ESRRG: variants seen among roughly 807,000 people sequenced by gnomAD.
ESRRG encodes estrogen related receptor gamma.
ESRRG carries 13 observed loss-of-function variants against 44.0 expected under a neutral mutation model. That is an observed-to-expected ratio of 0.30 (90% CI 0.19 to 0.47). The LOEUF is 0.47. Ranked by LOEUF, ESRRG falls within the 20% of genes least tolerant of loss-of-function variation. ESRRG has a pLI of 1.00. For missense variants in ESRRG, 395 were observed against 580.6 expected, an observed-to-expected ratio of 0.68 and a Z score of 3.29; for synonymous variants, 215 against 214.6, an observed-to-expected ratio of 1.00 and a Z score of -0.02.
chr1:216,807,104 C>G (rs2094817065), intron 2 of ESRRG, among the ~76,000 whole-genome samples: 1 of 152,148 alleles, frequency 6.6e-6, no homozygotes, highest in East Asian at 1.9e-4. Context: ...AATTAACAAT[C>G]AAGTCCATGG....
intron 2 of ESRRG, among the ~76,000 whole-genome samples, chr1:216,656,583 T>A (rs2070660275): frequency 6.6e-6 from 1 of 152,204 alleles, no homozygotes; most frequent in Non-Finnish European, 1.5e-5. Context: ...CGCCAGTGGA[T>A]AATTTGTATA....
intron 2 of ESRRG, among the ~76,000 whole-genome samples, chr1:216,925,680 G>A (rs1397749803): frequency 6.6e-6 from 1 of 150,858 alleles, no homozygotes; most frequent in Admixed American, 6.6e-5. Flanking sequence ...GCTGGGTGTG[G>A]TGGCTCACTC....
chr1:217,063,382 A>G lies in ESRRG; in HGVS notation c.-106+26125T>C, dbSNP rs956035709. 7.2e-5 allele frequency among the ~76,000 whole-genome samples: 11 copies of G among 152,316 alleles called. No homozygotes were observed. In the East Asian group the frequency reaches 1.9e-3, roughly 27 times the overall value. On this transcript the variant is annotated intron_variant, in intron 1 of 7. Transcript: ENST00000359162. Reference sequence around the variant, plus strand: ...TAAGTTAGTGCAGCAAACTAGCTACATGCTTTGAAGTGTGGAGACAGTTGG... The same window carrying G: ...TAAGTTAGTGCAGCAAACTAGCTACGTGCTTTGAAGTGTGGAGACAGTTGG...
intron 1 of ESRRG, among the ~76,000 whole-genome samples, chr1:216,980,892 C>A (rs1444078157): frequency 7.1e-6 from 1 of 140,688 alleles, no homozygotes; most frequent in Non-Finnish European, 1.6e-5. Context: ...GTCAGGCGGT[C>A]TCCTGCCTTT....
intron 6 of ESRRG, among the ~76,000 whole-genome samples, chr1:216,510,135 G>A (rs547319080): frequency 4.6e-5 from 7 of 152,182 alleles, no homozygotes; most frequent in African/African-American, 1.4e-4. Context: ...AACAATGGGC[G>A]AGCTCTTAAA....
intron 1 of ESRRG, among the ~76,000 whole-genome samples, chr1:216,967,298 G>A (rs1302438148): frequency 6.6e-6 from 1 of 151,980 alleles, no homozygotes; most frequent in African/African-American, 2.4e-5. Context: ...GTTATATAAA[G>A]GTTTGGATAA....
chr1:216,923,642 T>C (rs192179445), intron 2 of ESRRG, among the ~76,000 whole-genome samples: 82 of 152,298 alleles, frequency 5.4e-4, no homozygotes, highest in African/African-American at 1.9e-3. Flanking sequence ...TGCCAGAGAT[T>C]AGAAACAGTG....
intron 2 of ESRRG, among the ~76,000 whole-genome samples, chr1:216,840,936 C>G (rs768405725): frequency 2.6e-5 from 4 of 152,034 alleles, no homozygotes; most frequent in Non-Finnish European, 5.9e-5. Flanking sequence ...GTTTGAAATA[C>G]AGCAGAATAC....
intron 2 of ESRRG, among the ~76,000 whole-genome samples, chr1:216,654,423 A>G (rs1490667471): frequency 2.0e-5 from 3 of 152,080 alleles, no homozygotes; most frequent in Admixed American, 1.3e-4. Flanking sequence ...TGAGGTCAGA[A>G]GCTCAAGACG....
chr1:216,650,531 C>T (rs575574486), intron 3 of ESRRG, among the ~76,000 whole-genome samples: 1 of 151,860 alleles, frequency 6.6e-6, no homozygotes, highest in South Asian at 2.1e-4. Context: ...ATTTTAAGTT[C>T]TTTGTAATAG....
Position 216,573,454 on chromosome 1 carries a change from G to T in ESRRG, c.590-5356C>A, listed in dbSNP as rs1340559293. On this transcript the variant is annotated intron_variant, in intron 3 of 6. Transcript: ENST00000408911. ...AATGATCCAATAACATTACATTATG[G>T]TTATTATACGAATGTACTTAAAAAT... Among the ~76,000 whole-genome samples the T allele has an allele frequency of 2.0e-5, 3 of 151,754 alleles. No individual in the cohort carries two copies. In the East Asian group the frequency reaches 5.8e-4, roughly 29 times the overall value.
chr1:216,677,478 T>C lies in ESRRG; in HGVS notation c.70A>G (p.Met24Val), dbSNP rs1281591694. 6.2e-7 allele frequency: 1 copy of C among 1,608,172 alleles called. No homozygotes were observed. The change falls in exon 2 of 7, where the codon ATG becomes GTG. Residue 24 changes from methionine (M) to valine (V), a missense_variant. By Grantham distance (21) the Met-to-Val change is conservative. Coordinates refer to ENST00000408911, the MANE Select transcript of ESRRG (RefSeq NM_001438.4). Reference sequence around the variant, plus strand: ...TCAATGTGTCGATCTTTGTTTGACATTCTGCAGAGAAGCCTGAGATTGAGG... The same window carrying C: ...TCAATGTGTCGATCTTTGTTTGACACTCTGCAGAGAAGCCTGAGATTGAGG... ...LHYEEELLCR[M>V]SNKDRHIDSS...
chr1:216,631,237 A>G (rs900033670), intron 3 of ESRRG, among the ~76,000 whole-genome samples: 2 of 152,186 alleles, frequency 1.3e-5, no homozygotes, highest in Admixed American at 1.3e-4. Context: ...ATCCCCAAAA[A>G]TAGTCACAGG....
chr1:216,973,797 G>A (rs531720379), intron 1 of ESRRG, among the ~76,000 whole-genome samples: 1 of 146,714 alleles, frequency 6.8e-6, no homozygotes, highest in South Asian at 2.1e-4. Flanking sequence ...TTGCACTCCA[G>A]TCTGGGCAAC....
chr1:217,071,267 AC>A (rs1489423983), intron 1 of ESRRG, among the ~76,000 whole-genome samples: 2 of 152,184 alleles, frequency 1.3e-5, no homozygotes, highest in Admixed American at 6.5e-5. Context: ...CAAAAAACAA[AC>A]AAACAAACAA....
At chr1:216,633,557 C>G (rs906482074) in intron 3 of ESRRG, among the ~76,000 whole-genome samples, 1 of 152,180 alleles carries the variant, frequency 6.6e-6, no homozygotes, top group Non-Finnish European at 1.5e-5. Flanking sequence ...AAGGAAACCT[C>G]TTTTTGTCAA....
chr1:216,951,100 T>A (rs889270715), intron 1 of ESRRG, among the ~76,000 whole-genome samples: 1 of 152,168 alleles, frequency 6.6e-6, no homozygotes, highest in Non-Finnish European at 1.5e-5. Context: ...CTATTTATGT[T>A]TTATATCCTG....
chr1:216,828,272 G>A (rs2095430572), intron 2 of ESRRG, among the ~76,000 whole-genome samples: 1 of 152,120 alleles, frequency 6.6e-6, no homozygotes, highest in Non-Finnish European at 1.5e-5. Flanking sequence ...GCAAATTTAA[G>A]GATTGAAAAC....
At chr1:217,031,315 T>C (rs1201228800) in intron 1 of ESRRG, among the ~76,000 whole-genome samples, 1 of 152,142 alleles carries the variant, frequency 6.6e-6, no homozygotes, top group African/African-American at 2.4e-5. Context: ...AAACATGCAC[T>C]GAGAGAGAAT....
Sources: allele counts gnomAD v4.1 joint callset (sites outside exome capture counted in the v4.1 genomes callset), GRCh38; gene constraint gnomAD v4.1.1; transcripts MANE v1.5; gene names NCBI Gene and HGNC (gene_info 2026-07-23, HGNC 2026-07-21).